Variants in ADAMTS12 observed in about 807,000 individuals in gnomAD.
ADAMTS12 encodes the protein ADAM metallopeptidase with thrombospondin type 1 motif 12.
A neutral mutation model predicts 167.8 loss-of-function variants in ADAMTS12; 118 were observed. That is an observed-to-expected ratio of 0.70 (90% confidence interval 0.61 to 0.82). The LOEUF (loss-of-function observed/expected upper bound fraction) is 0.82, where lower values mean the gene tolerates loss of function less well. Ranked by LOEUF, ADAMTS12 falls within the 40% of genes least tolerant of loss-of-function variation. The pLI is 0.00. For synonymous variants in ADAMTS12, 704 were observed against 716.9 expected, an observed-to-expected ratio of 0.98 and a Z score of 0.29; for missense variants, 1,916 against 1,998.8, an observed-to-expected ratio of 0.96 and a Z score of 0.79.
intron 3 of ADAMTS12, among the ~76,000 whole-genome samples, chr5:33,726,746 C>T (rs752675591): frequency 1.3e-5 from 2 of 152,030 alleles, no homozygotes; most frequent in Non-Finnish European, 2.9e-5. Flanking sequence ...GATTGCAGTT[C>T]AGACTTAAGA....
At position 33,574,869 on chromosome 5, in the gene ADAMTS12, C is replaced by T. The variant is rs547875021; in HGVS notation, c.3972+1185G>A. On this transcript the variant is annotated intron_variant, in intron 19 of 23. Transcript: ENST00000504830. ...TAATAGTTTACTTCACTTTAACTGG[C>T]GAGATGAGTCATGAAATGTCAAAAA... Among the ~76,000 whole-genome samples, 6 of 151,994 alleles carry T rather than the reference C, an allele frequency of 3.9e-5. No homozygotes were observed. The East Asian group carries it at 7.7e-4, about 20-fold the overall frequency.
intron 22 of ADAMTS12, among the ~76,000 whole-genome samples, chr5:33,539,526 T>G (rs957624982): frequency 7.9e-5 from 12 of 152,300 alleles, no homozygotes; most frequent in African/African-American, 2.9e-4. Context: ...GCTGTGTGCC[T>G]CTGGAATAAC....
Position 33,849,624 on chromosome 5 carries a change from ATAG to A in ADAMTS12, c.489+31492_489+31494del, listed in dbSNP as rs1229474077. On this transcript the variant is annotated intron_variant, in intron 2 of 23. Coordinates refer to ENST00000504830, the MANE Select transcript of ADAMTS12 (RefSeq NM_030955.4). ...TTGCATAGCAATATATATGTATTGC[ATAG>A]CAATATATATGTATTGCATAGCAAT... Among the ~76,000 whole-genome samples, 1,106 of 136,686 alleles carry A rather than the reference ATAG, an allele frequency of 8.1e-3. 79 individuals are homozygous for A. The highest frequency in any genetic ancestry group is 0.028 in the African/African-American group (1,029 of 36,908). The allele number at this position is 136,686 out of a possible 152,430, so 89.7% of individuals were successfully genotyped here.
At chr5:33,544,346 T>C (rs911905142) in intron 22 of ADAMTS12, among the ~76,000 whole-genome samples, 4 of 152,084 alleles carry the variant, frequency 2.6e-5, no homozygotes, top group Admixed American at 6.6e-5. Flanking sequence ...AAACCACTGC[T>C]CAATGAAATA....
chr5:33,851,621 T>A (rs185899879), intron 2 of ADAMTS12, among the ~76,000 whole-genome samples: 1 of 152,164 alleles, frequency 6.6e-6, no homozygotes, highest in Non-Finnish European at 1.5e-5. Context: ...ACCTTCCAGA[T>A]AGAAAAGAGT....
intron 3 of ADAMTS12, among the ~76,000 whole-genome samples, chr5:33,695,566 G>C (rs186063877): frequency 2.1e-3 from 315 of 152,296 alleles, no homozygotes; most frequent in African/African-American, 7.3e-3. Flanking sequence ...TCTTGAGGAT[G>C]TTATACTAAG....
intron 3 of ADAMTS12, among the ~76,000 whole-genome samples, chr5:33,750,970 T>C (rs1049875693): frequency 2.0e-5 from 3 of 152,216 alleles, no homozygotes; most frequent in African/African-American, 7.2e-5. Context: ...TAAATCTGCC[T>C]TCCATATGCA....
chr5:33,561,231 C>G (rs1270405883), intron 19 of ADAMTS12, 52 bp from the exon 20 acceptor site: 10 of 1,589,058 alleles, frequency 6.3e-6, no homozygotes, highest in Non-Finnish European at 8.6e-6. Context: ...CCTTCTCACA[C>G]ATGCCCCATC....
chr5:33,612,095 C>A (rs1475651533), intron 16 of ADAMTS12, among the ~76,000 whole-genome samples: 1 of 152,226 alleles, frequency 6.6e-6, no homozygotes, highest in South Asian at 2.1e-4. Flanking sequence ...TGAATAATAG[C>A]ATTTCATTCT....
chr5:33,582,206 T>G (rs1747099529), intron 18 of ADAMTS12, among the ~76,000 whole-genome samples: 1 of 152,064 alleles, frequency 6.6e-6, no homozygotes. Flanking sequence ...TCTCAGCTGG[T>G]TTTCTGTGAG....
chr5:33,565,736 G>A (rs537463313), intron 19 of ADAMTS12, among the ~76,000 whole-genome samples: 1 of 145,222 alleles, frequency 6.9e-6, no homozygotes, highest in African/African-American at 2.5e-5. Context: ...TTCTGTCAAA[G>A]TCAAATAATG....
At chr5:33,619,051 T>C (rs1739174523) in intron 14 of ADAMTS12, among the ~76,000 whole-genome samples, 1 of 152,212 alleles carries the variant, frequency 6.6e-6, no homozygotes, top group African/African-American at 2.4e-5. Context: ...GGCAAGTAGG[T>C]CACTTTGATG....
intron 3 of ADAMTS12, among the ~76,000 whole-genome samples, chr5:33,738,312 T>TG (rs1194380968): frequency 6.6e-6 from 1 of 151,824 alleles, no homozygotes; most frequent in Admixed American, 6.6e-5. Flanking sequence ...CTTTGATTTT[T>TG]TTTTTGTTTG....
chr5:33,650,631 G>T (rs1308803200), intron 7 of ADAMTS12, among the ~76,000 whole-genome samples: 1 of 152,128 alleles, frequency 6.6e-6, no homozygotes, highest in African/African-American at 2.4e-5. Context: ...ACCTTCCATT[G>T]CCAGGGCTGA....
intron 2 of ADAMTS12, among the ~76,000 whole-genome samples, chr5:33,827,616 C>T (rs868751070): frequency 1.3e-5 from 2 of 151,850 alleles, no homozygotes; most frequent in South Asian, 4.2e-4. Flanking sequence ...GTCTTACTCA[C>T]CCATTAAAAA....
At chr5:33,754,361 A>G (rs962480524) in intron 2 of ADAMTS12, among the ~76,000 whole-genome samples, 23 of 152,224 alleles carry the variant, frequency 1.5e-4, no homozygotes, top group African/African-American at 5.5e-4. Flanking sequence ...AAAAGTATCC[A>G]ATTTAGTGAG....
rs115440486 is a variant in ADAMTS12, at chr5:33,736,390, C to A, written c.634+15014G>T. 6.4e-3 allele frequency among the ~76,000 whole-genome samples: 969 copies of A among 152,244 alleles called. 13 individuals are homozygous for A. The highest frequency in any genetic ancestry group is 0.02 in the African/African-American group (848 of 41,528). ...TAGTTTGTTTTTAAAACATAAAATT[C>A]TTGGCATATTTTCCATAACCCAAAA... is the stretch of plus-strand genomic sequence containing the variant. On this transcript the variant is annotated intron_variant, in intron 3 of 23. Coordinates refer to ENST00000504830, the MANE Select transcript of ADAMTS12 (RefSeq NM_030955.4).
intron 22 of ADAMTS12, among the ~76,000 whole-genome samples, chr5:33,540,893 A>C (rs1423597502): frequency 1.3e-5 from 2 of 152,244 alleles, no homozygotes; most frequent in Non-Finnish European, 2.9e-5. Flanking sequence ...AGAGCAGAAA[A>C]GGTGAAAATT....
At chr5:33,632,545 A>G (rs1317203238) in intron 12 of ADAMTS12, among the ~76,000 whole-genome samples, 1 of 152,224 alleles carries the variant, frequency 6.6e-6, no homozygotes, top group Admixed American at 6.5e-5. Context: ...TTGGATAAAC[A>G]GCCAGGGGAA....
Sources: gnomAD v4.1 joint callset for allele counts (sites outside exome capture counted in the v4.1 genomes callset) on GRCh38, gnomAD v4.1.1 for gene constraint, MANE v1.5 for transcripts, NCBI Gene and HGNC (gene_info 2026-07-23, HGNC 2026-07-21) for gene names.